The following FSD1L variants were observed in gnomAD, a reference collection of about 807,000 sequenced individuals.
FSD1L encodes the protein fibronectin type III and SPRY domain containing 1 like.
FSD1L carries 45 observed loss-of-function variants against 71.6 expected under a neutral mutation model. The observed-to-expected ratio is 0.63, with a 90% CI of 0.49 to 0.81. FSD1L has a LOEUF of 0.81. Ranked by LOEUF, FSD1L falls within the 30% of genes least tolerant of loss-of-function variation. The pLI is 0.00. For synonymous variants in FSD1L, 197 were observed against 207.2 expected, an observed-to-expected ratio of 0.95 and a Z score of 0.42; for missense variants, 561 against 618.1, an observed-to-expected ratio of 0.91 and a Z score of 0.98.
intron 10 of FSD1L, chr9:105,525,826 A>G: frequency 1.2e-6 from 2 of 1,605,946 alleles, no homozygotes; most frequent in South Asian, 1.1e-5. Flanking sequence ...AGGACTACAA[A>G]AAAACAAAAG....
chr9:105,442,365 T>G, the FSD1L span, among the ~76,000 whole-genome samples: 18 of 152,030 alleles, frequency 1.2e-4, no homozygotes, highest in Non-Finnish European at 1.5e-4. Context: ...TGATGTAACC[T>G]CACAGTTCAG....
At chr9:105,539,442 G>A (rs775904670) in intron 13 of FSD1L, 91 bp downstream of exon 13, 1 of 467,690 alleles carries the variant, frequency 2.1e-6, no homozygotes, top group East Asian at 3.6e-5. Flanking sequence ...ATTTGGAGAA[G>A]GAGAATATTT....
At chr9:105,520,833 G>A in intron 10 of FSD1L, 1 of 1,612,114 alleles carries the variant, frequency 6.2e-7, no homozygotes. Context: ...CACTCCTCTT[G>A]TCCCCCCACA....
At chr9:105,452,069 A>G (rs1588902753) in intron 1 of FSD1L, among the ~76,000 whole-genome samples, 1 of 152,164 alleles carries the variant, frequency 6.6e-6, no homozygotes, top group African/African-American at 2.4e-5. Flanking sequence ...GCTTGACTGG[A>G]CAAAACTAGA....
chr9:105,539,216 T>TA, intron 12 of FSD1L, 47 bp from the exon 13 acceptor site: 1 of 869,616 alleles, frequency 1.1e-6, no homozygotes, highest in Non-Finnish European at 1.8e-6. Flanking sequence ...AATTAAATGT[T>TA]ACAATTTTTT....
At chr9:105,543,897 G>A (rs1056646650) in intron 13 of FSD1L, among the ~76,000 whole-genome samples, 4 of 152,286 alleles carry the variant, frequency 2.6e-5, no homozygotes, top group East Asian at 1.9e-4. Flanking sequence ...AAACATACAT[G>A]TGCATGTGTC....
At chr9:105,504,821 T>C (rs1345456521) in intron 7 of FSD1L, among the ~76,000 whole-genome samples, 2 of 152,222 alleles carry the variant, frequency 1.3e-5, no homozygotes, top group Non-Finnish European at 2.9e-5. Flanking sequence ...TTCCGAATAT[T>C]TTTTGATCCA....
chr9:105,481,344 G>T (rs1385723007), intron 6 of FSD1L, among the ~76,000 whole-genome samples: 3 of 151,086 alleles, frequency 2.0e-5, no homozygotes, highest in Admixed American at 6.6e-5. Context: ...GAGTGCAGTG[G>T]TGCAATCTTG....
At chr9:105,535,766 A>T (rs565222995) in intron 12 of FSD1L, among the ~76,000 whole-genome samples, 1 of 152,258 alleles carries the variant, frequency 6.6e-6, no homozygotes, top group East Asian at 1.9e-4. Context: ...TACTGCGTAA[A>T]CATACACACC....
At chr9:105,476,941 T>C (rs796570155) in intron 5 of FSD1L, among the ~76,000 whole-genome samples, 11 of 152,300 alleles carry the variant, frequency 7.2e-5, no homozygotes, top group African/African-American at 2.6e-4. Flanking sequence ...TAAATGAAAG[T>C]GGAGCCATGG....
intron 1 of FSD1L, among the ~76,000 whole-genome samples, chr9:105,453,951 G>A (rs1356884721): frequency 6.6e-6 from 1 of 152,092 alleles, no homozygotes; most frequent in African/African-American, 2.4e-5. Flanking sequence ...GATAGAATCT[G>A]GTTTCAGTTA....
intron 4 of FSD1L, among the ~76,000 whole-genome samples, chr9:105,468,880 T>G (rs1831250667): frequency 6.6e-6 from 1 of 152,208 alleles, no homozygotes; most frequent in African/African-American, 2.4e-5. Flanking sequence ...ATCTCTAGAA[T>G]TTTTTCATCT....
At chr9:105,486,839 C>T (rs1172013559) in intron 7 of FSD1L, among the ~76,000 whole-genome samples, 1 of 152,076 alleles carries the variant, frequency 6.6e-6, no homozygotes, top group African/African-American at 2.4e-5. Flanking sequence ...TATAAAGTAG[C>T]CCTCTCATCT....
intron 1 of FSD1L, among the ~76,000 whole-genome samples, chr9:105,453,044 GTTT>G (rs774826229): frequency 6.0e-4 from 53 of 88,234 alleles, no homozygotes; most frequent in African/African-American, 1.3e-3. Context: ...ACCTAAAGTT[GTTT>G]TTTTTTTTTT....
chr9:105,480,437 A>G (rs1256103292), intron 6 of FSD1L, among the ~76,000 whole-genome samples: 1 of 151,948 alleles, frequency 6.6e-6, no homozygotes, highest in Non-Finnish European at 1.5e-5. Flanking sequence ...GACTACAGGC[A>G]TGTGCCACCA....
At chr9:105,487,221 A>G (rs1832610757) in intron 7 of FSD1L, among the ~76,000 whole-genome samples, 1 of 152,114 alleles carries the variant, frequency 6.6e-6, no homozygotes, top group Non-Finnish European at 1.5e-5. Context: ...TTTTCATTAG[A>G]AACAATGCTG....
At chr9:105,487,671 C>T (rs954436275) in intron 7 of FSD1L, among the ~76,000 whole-genome samples, 4 of 152,018 alleles carry the variant, frequency 2.6e-5, no homozygotes. Flanking sequence ...TATATCCTTG[C>T]TCACCTTGAT....
upstream of FSD1L, among the ~76,000 whole-genome samples, chr9:105,444,590 G>T (rs1829602752): frequency 6.6e-6 from 1 of 152,172 alleles, no homozygotes; most frequent in African/African-American, 2.4e-5. Flanking sequence ...CTGGTTCTGG[G>T]AGAGACAGTT....
chr9:105,463,866 C>T (rs1483415615), intron 2 of FSD1L, among the ~76,000 whole-genome samples: 1 of 152,082 alleles, frequency 6.6e-6, no homozygotes, highest in Non-Finnish European at 1.5e-5. Flanking sequence ...TTTTATTCCT[C>T]GGTTCCTGAT....
Sources: allele counts gnomAD v4.1 joint callset (sites outside exome capture counted in the v4.1 genomes callset), GRCh38; gene constraint gnomAD v4.1.1; transcripts MANE v1.5; gene names NCBI Gene and HGNC (gene_info 2026-07-23, HGNC 2026-07-21).